Variants in KMT2C observed in about 807,000 individuals in gnomAD.
The protein encoded by KMT2C is lysine methyltransferase 2C, also known as histone-lysine N-methyltransferase 2C.
Under a neutral mutation model 507.9 loss-of-function variants are expected in KMT2C, and 88 were observed. The observed-to-expected ratio is 0.17, with a 90% CI of 0.15 to 0.21. KMT2C has a LOEUF of 0.21. Among genes scored for constraint, KMT2C ranks in the 10% least tolerant of loss-of-function variants. The pLI is 1.00. For missense variants in KMT2C, 4,954 were observed against 5,957.8 expected (o/e 0.83, Z 5.55); for synonymous variants, 2,049 against 2,080.8 (o/e 0.98, Z 0.42).
At chr7:152,249,793 T>C (rs1322286380) in intron 13 of KMT2C, 83 bp downstream of exon 13, 1 of 663,984 alleles carries the variant, frequency 1.5e-6, no homozygotes, top group African/African-American at 1.8e-5. Flanking sequence ...TGTATATACA[T>C]ACAGCAATCG....
At chr7:152,233,735 CTTTAA>C (rs1204230176) in intron 16 of KMT2C, among the ~76,000 whole-genome samples, 2 of 152,134 alleles carry the variant, frequency 1.3e-5, no homozygotes, top group Non-Finnish European at 2.9e-5. Flanking sequence ...AACTCCATTC[CTTTAA>C]TTTGTCAAGA....
At chr7:152,294,610 C>T (rs1465489815) in intron 6 of KMT2C, among the ~76,000 whole-genome samples, 1 of 148,512 alleles carries the variant, frequency 6.7e-6, no homozygotes, top group African/African-American at 2.5e-5. Context: ...CCAGCATGAG[C>T]AACACAGCAA....
intron 2 of KMT2C, among the ~76,000 whole-genome samples, chr7:152,331,912 A>G (rs1219643950): frequency 1.3e-5 from 2 of 151,732 alleles, no homozygotes; most frequent in Non-Finnish European, 2.9e-5. Context: ...GCCTCCCAAA[A>G]TGCTGGAATT....
chr7:152,154,556 A>C, intron 46 of KMT2C, 111 bp from the exon 47 acceptor site: 3 of 830,510 alleles, frequency 3.6e-6, no homozygotes, highest in Non-Finnish European at 5.7e-6. Flanking sequence ...TCTGGGCAGC[A>C]CCTATACGAT....
chr7:152,417,951 T>TAA (rs748980838), intron 1 of KMT2C, among the ~76,000 whole-genome samples: 26 of 110,950 alleles, frequency 2.3e-4, no homozygotes, highest in African/African-American at 4.6e-4. Context: ...CTCTTTCTTT[T>TAA]AAAAAAAAAA....
intron 14 of KMT2C, among the ~76,000 whole-genome samples, chr7:152,242,610 T>A (rs2095406943): frequency 6.6e-6 from 1 of 152,214 alleles, no homozygotes; most frequent in Non-Finnish European, 1.5e-5. Context: ...ATTAAGTTTC[T>A]TTCTGTTTTG....
intron 2 of KMT2C, among the ~76,000 whole-genome samples, chr7:152,340,503 A>C (rs951394204): frequency 1.3e-5 from 2 of 152,174 alleles, no homozygotes; most frequent in Admixed American, 1.3e-4. Context: ...ATGTCATCAA[A>C]ATTGTACTGT....
At chr7:152,352,728 C>T (rs1388862072) in intron 2 of KMT2C, among the ~76,000 whole-genome samples, 2 of 152,208 alleles carry the variant, frequency 1.3e-5, no homozygotes, top group Non-Finnish European at 2.9e-5. Context: ...TAATACTATT[C>T]TCCACTAAAA....
intron 1 of KMT2C, among the ~76,000 whole-genome samples, chr7:152,432,073 C>T (rs2097867387): frequency 6.6e-6 from 1 of 152,128 alleles, no homozygotes; most frequent in African/African-American, 2.4e-5. Flanking sequence ...AACAATAATG[C>T]TTAAGGTGGC....
Position 152,177,997 on chromosome 7 carries a change from C to G in KMT2C, c.7456G>C (p.Gly2486Arg), listed in dbSNP as rs2129115776. 1 of 1,248,090 alleles carries G rather than the reference C, an allele frequency of 8.0e-7. No homozygotes were observed. Among genetic ancestry groups the G allele is most frequent in the Non-Finnish European group, 1.0e-6 (1 of 991,390 alleles). 77.3% of individuals were successfully genotyped at this position (1,248,090 alleles called of 1,614,324 possible). The change falls in exon 38 of 59, where the codon GGA becomes CGA. Residue 2486 changes from glycine (G) to arginine (R), a missense_variant. Physicochemically the swap from Gly to Arg is moderately radical, Grantham distance 125. Coordinates refer to ENST00000262189, the MANE Select transcript of KMT2C (RefSeq NM_170606.3). ...CTCGGCATGGTACCATGACTACCTCCTGGAAATCCAAATCTTTTAAAAAAA... is the reference window on the plus strand; with the variant it reads ...CTCGGCATGGTACCATGACTACCTCGTGGAAATCCAAATCTTTTAAAAAAA... ...RPHGFRFGFP[G>R]GSHGTMPSQE...
intron 7 of KMT2C, among the ~76,000 whole-genome samples, chr7:152,266,500 C>T (rs1249652309): frequency 6.6e-6 from 1 of 152,166 alleles, no homozygotes; most frequent in Non-Finnish European, 1.5e-5. Context: ...CTGCCTCAAC[C>T]TCCCAAAGTG....
intron 9 of KMT2C, 146 bp downstream of exon 9, chr7:152,262,870 T>C: frequency 1.6e-6 from 1 of 606,992 alleles, no homozygotes; most frequent in South Asian, 2.3e-5. Flanking sequence ...GAGTGTACAG[T>C]TTATTATATG....
intron 25 of KMT2C, 45 bp downstream of exon 25, chr7:152,205,061 A>T (rs111370844): frequency 7.8e-7 from 1 of 1,287,778 alleles, no homozygotes; most frequent in South Asian, 1.4e-5. Context: ...TCAAGACCAA[A>T]GGGTTACATT....
chr7:152,390,220 T>C (rs546927776), intron 1 of KMT2C, among the ~76,000 whole-genome samples: 1 of 59,756 alleles, frequency 1.7e-5, no homozygotes, highest in Non-Finnish European at 4.5e-5. Context: ...TAAAATAAAT[T>C]TTTTTTTAAA....
chr7:152,181,765 G>T lies in KMT2C; in HGVS notation c.6095C>A (p.Thr2032Lys), dbSNP rs748961747. Residue 2032 changes from threonine to lysine, a missense_variant, in exon 36 of 59, where the codon ACA becomes AAA. Transcript: ENST00000262189. ...AGGACCACTATCAAGAGGTGCAGGT[G>T]TCAACAAGGGTCGTGCATATGAGTC... ...IPDSYARPLLTPAPLDSGPGP... is the reference protein window; with the variant it reads ...IPDSYARPLLKPAPLDSGPGP... 11 of 1,614,120 alleles carry T rather than the reference G, an allele frequency of 6.8e-6. No individual in the cohort carries two copies. The highest frequency in any genetic ancestry group is 1.3e-5 in the African/African-American group (1 of 75,014).
At chr7:152,159,790 T>C (rs1332292887) in intron 43 of KMT2C, among the ~76,000 whole-genome samples, 1 of 152,202 alleles carries the variant, frequency 6.6e-6, no homozygotes. Context: ...CACAGGAATA[T>C]TTTCAGGCTC....
chr7:152,170,129 A>C (rs1676196378), intron 40 of KMT2C, among the ~76,000 whole-genome samples: 2 of 152,244 alleles, frequency 1.3e-5, no homozygotes, highest in South Asian at 4.1e-4. Context: ...CATATTAAAA[A>C]ACAAGAGGCT....
chr7:152,249,669 C>A (rs568069792), intron 13 of KMT2C, among the ~76,000 whole-genome samples: 5,268 of 126,302 alleles, frequency 0.042, 445 homozygotes, highest in African/African-American at 0.17. Flanking sequence ...TGACCTCCCC[C>A]CTCCAAAAAA....
rs2096914590 is a variant in KMT2C at position 152,334,433 on chromosome 7, CA to C, written c.251-3695del. ...TGCCATTGCACTCAAGCCTGGGCAA[CA>C]AGAGCAAAACTCCGTCTCAAAAAAA... On this transcript the variant is annotated intron_variant, in intron 2 of 58. Transcript: ENST00000262189. Among the ~76,000 whole-genome samples the C allele has an allele frequency of 3.3e-5, 5 of 152,258 alleles. No homozygotes were observed. In the South Asian group the frequency reaches 1.0e-3, roughly 32 times the overall value.
Sources: allele counts gnomAD v4.1 joint callset (sites outside exome capture counted in the v4.1 genomes callset), GRCh38; gene constraint gnomAD v4.1.1; transcripts MANE v1.5; gene names NCBI Gene and HGNC (gene_info 2026-07-23, HGNC 2026-07-21).